The following THSD4 variants were observed in gnomAD, a reference collection of about 807,000 sequenced individuals.
THSD4 encodes thrombospondin type 1 domain containing 4, also known as thrombospondin type-1 domain-containing protein 4.
Under a neutral mutation model 119.0 loss-of-function variants are expected in THSD4, and 69 were observed. The ratio of observed to expected loss-of-function variants is 0.58; its 90% CI spans 0.48 to 0.71. THSD4 has a LOEUF of 0.71. Ranked by LOEUF, THSD4 falls within the 30% of genes least tolerant of loss-of-function variation. The pLI, the probability that THSD4 is intolerant of heterozygous loss-of-function variation, is 0.00. For missense variants in THSD4, 1,393 were observed against 1,391.1 expected, an observed-to-expected ratio of 1.00 and a Z score of -0.02; for synonymous variants, 524 against 540.4, an observed-to-expected ratio of 0.97 and a Z score of 0.42.
At chr15:71,502,914 CAG>C (rs1217718767) in intron 7 of THSD4, among the ~76,000 whole-genome samples, 3 of 152,186 alleles carry the variant, frequency 2.0e-5, no homozygotes. Flanking sequence ...GGTGCCGCAT[CAG>C]AGTTTGTCAT....
At chr15:71,509,133 C>G (rs1219913729) in intron 7 of THSD4, among the ~76,000 whole-genome samples, 1 of 152,078 alleles carries the variant, frequency 6.6e-6, no homozygotes, top group African/African-American at 2.4e-5. Flanking sequence ...ATCCCCTTTA[C>G]CTGACCCATT....
chr15:71,181,341 T>A lies in THSD4; in HGVS notation c.99+26409T>A, dbSNP rs141776669. Among the ~76,000 whole-genome samples the A allele has an allele frequency of 2.0e-5, 3 of 152,368 alleles. No individual in the cohort carries two copies. In the East Asian group the frequency reaches 5.8e-4, roughly 29 times the overall value. Reference sequence around the variant, plus strand: ...TGCTCTAAATTTCTTGGATTCAAAGTCAACAGCAGAAAAATCTAATTTGCT... The same window carrying A: ...TGCTCTAAATTTCTTGGATTCAAAGACAACAGCAGAAAAATCTAATTTGCT... On this transcript the variant is annotated intron_variant, in intron 3 of 17. Transcript: ENST00000261862.
chr15:71,625,304 A>T (rs2050488702), intron 7 of THSD4, among the ~76,000 whole-genome samples: 1 of 152,058 alleles, frequency 6.6e-6, no homozygotes, highest in African/African-American at 2.4e-5. Flanking sequence ...CACCAGCCAC[A>T]GCCTGGGCCA....
Position 71,417,081 on chromosome 15 carries a change from A to AT in THSD4, c.1152+5260dup, listed in dbSNP as rs1410669909. On this transcript the variant is annotated intron_variant, in intron 7 of 17. Coordinates refer to ENST00000261862, the MANE Select transcript of THSD4 (RefSeq NM_024817.3). ...GCCCTGCCCATTTTAAAATCAGATT[A>AT]TTAGATATTTTTCCTATAGAGTTGT... Among the ~76,000 whole-genome samples the AT allele has an allele frequency of 1.1e-4, 11 of 103,412 alleles. 2 individuals are homozygous for AT. In the South Asian group the frequency reaches 1.5e-3, roughly 14 times the overall value. The allele number at this position is 103,412 out of a possible 152,430, so 67.8% of individuals were successfully genotyped here.
intron 6 of THSD4, among the ~76,000 whole-genome samples, chr15:71,409,145 C>CA (rs1358820021): frequency 8.2e-6 from 1 of 122,018 alleles, no homozygotes; most frequent in East Asian, 2.4e-4. Flanking sequence ...TCACGTTTAG[C>CA]TTTTTTTTTT....
intron 8 of THSD4, among the ~76,000 whole-genome samples, chr15:71,705,908 A>G (rs1485435077): frequency 6.6e-6 from 1 of 152,170 alleles, no homozygotes; most frequent in African/African-American, 2.4e-5. Context: ...GGGAGACATT[A>G]CTTCTAGTTG....
chr15:71,174,950 C>A (rs1327441050), intron 3 of THSD4, among the ~76,000 whole-genome samples: 5 of 151,068 alleles, frequency 3.3e-5, no homozygotes, highest in Admixed American at 1.3e-4. Context: ...GGAAAACTAA[C>A]AAACAGAAAG....
chr15:71,552,058 G>A (rs62022764), intron 7 of THSD4, among the ~76,000 whole-genome samples: 46,308 of 151,976 alleles, frequency 0.3, 7,809 homozygotes, highest in Non-Finnish European at 0.39. Context: ...GGAAAAGAGG[G>A]GGAGCATTCC....
intron 1 of THSD4, among the ~76,000 whole-genome samples, chr15:71,130,465 C>A (rs1172172691): frequency 1.3e-5 from 2 of 151,872 alleles, no homozygotes; most frequent in Non-Finnish European, 2.9e-5. Flanking sequence ...GGATTACAGG[C>A]ATGAGCCACT....
chr15:71,600,728 G>A (rs2049990938), intron 7 of THSD4, among the ~76,000 whole-genome samples: 1 of 150,256 alleles, frequency 6.7e-6, no homozygotes, highest in African/African-American at 2.5e-5. Flanking sequence ...TATCATGCCT[G>A]TCTTTTTTTT....
chr15:71,563,754 G>A (rs765127534), intron 7 of THSD4, among the ~76,000 whole-genome samples: 9 of 152,112 alleles, frequency 5.9e-5, no homozygotes, highest in African/African-American at 2.2e-4. Flanking sequence ...CCTCAAAAAG[G>A]GTTGCTCTCC....
rs777743275 is a variant in THSD4, at chr15:71,731,157, G to A, written c.1570G>A (p.Glu524Lys). The change falls in exon 10 of 18, where the codon GAG (glutamate) becomes AAG (lysine). Residue 524 changes from glutamate to lysine, a missense_variant. By Grantham distance (56) the Glu-to-Lys change is moderately conservative. Coordinates refer to ENST00000261862, the MANE Select transcript of THSD4 (RefSeq NM_024817.3). ...GCAGCCAAACCCAGGCGTGCACTACGAGTACGTGATCATGGGGACCAACGC... is the reference window on the plus strand; with the variant it reads ...GCAGCCAAACCCAGGCGTGCACTACAAGTACGTGATCATGGGGACCAACGC... ...HQQPNPGVHY[E>K]YVIMGTNAIS... 25 of 1,614,024 alleles carry A rather than the reference G, an allele frequency of 1.5e-5. No individual in the cohort carries two copies. The highest frequency in any genetic ancestry group is 1.1e-4 in the East Asian group (5 of 44,876).
intron 8 of THSD4, among the ~76,000 whole-genome samples, chr15:71,709,054 A>G (rs1179562884): frequency 6.6e-6 from 1 of 152,198 alleles, no homozygotes; most frequent in Non-Finnish European, 1.5e-5. Context: ...AGATCACAAA[A>G]TGGATTACAT....
At chr15:71,489,439 C>T (rs2047877547) in intron 7 of THSD4, among the ~76,000 whole-genome samples, 1 of 152,140 alleles carries the variant, frequency 6.6e-6, no homozygotes, top group Non-Finnish European at 1.5e-5. Context: ...AGGCCGACAA[C>T]CCCCAGGAGC....
chr15:71,135,262 A>T (rs185246859), intron 1 of THSD4, among the ~76,000 whole-genome samples: 1 of 149,112 alleles, frequency 6.7e-6, no homozygotes, highest in Non-Finnish European at 1.5e-5. Context: ...GATATACCTA[A>T]TGCTAGATGA....
chr15:71,431,981 C>A (rs2046948380), intron 7 of THSD4, among the ~76,000 whole-genome samples: 1 of 152,010 alleles, frequency 6.6e-6, no homozygotes, highest in Non-Finnish European at 1.5e-5. Flanking sequence ...GGATTAACAT[C>A]CAAGATGGAG....
chr15:71,606,343 G>T (rs910469505), intron 7 of THSD4, among the ~76,000 whole-genome samples: 25 of 152,130 alleles, frequency 1.6e-4, no homozygotes, highest in African/African-American at 6.0e-4. Flanking sequence ...TCTGTTGTTG[G>T]TGTCTGGCTC....
chr15:71,773,200 C>CAAAAAAAAAAAAAAAAAA (rs5813665), intron 17 of THSD4, among the ~76,000 whole-genome samples: 2 of 54,060 alleles, frequency 3.7e-5, no homozygotes, highest in East Asian at 4.3e-4. Flanking sequence ...GACCATGTCT[C>CAAAAAAAAAAAAAAAAAA]AAAAAAAAAA....
intron 8 of THSD4, among the ~76,000 whole-genome samples, chr15:71,713,890 A>G (rs1211107626): frequency 6.6e-6 from 1 of 152,152 alleles, no homozygotes; most frequent in African/African-American, 2.4e-5. Context: ...ATTGTACTGG[A>G]CAATGTTTCA....
Sources: gnomAD v4.1 joint callset for allele counts (sites outside exome capture counted in the v4.1 genomes callset) on GRCh38, gnomAD v4.1.1 for gene constraint, MANE v1.5 for transcripts, NCBI Gene and HGNC (gene_info 2026-07-23, HGNC 2026-07-21) for gene names.